Variants in PHACTR3 observed in about 807,000 individuals in gnomAD.
The protein encoded by PHACTR3 is protein phosphatase 1, regulatory subunit 123.
PHACTR3 carries 16 observed loss-of-function variants against 66.8 expected under a neutral mutation model. That is an observed-to-expected ratio of 0.24 (90% CI 0.16 to 0.36). PHACTR3 has a LOEUF of 0.36. PHACTR3 is among the 10% of genes least tolerant of loss of function. The pLI is 1.00. For missense variants in PHACTR3, 647 were observed against 719.9 expected, an observed-to-expected ratio of 0.90 and a Z score of 1.16; for synonymous variants, 323 against 292.1, an observed-to-expected ratio of 1.11 and a Z score of -1.08.
intron 1 of PHACTR3, among the ~76,000 whole-genome samples, chr20:59,581,580 C>T (rs1273903605): frequency 2.6e-5 from 4 of 152,196 alleles, no homozygotes; most frequent in African/African-American, 9.7e-5. Context: ...GAGTGATCCC[C>T]AATCTTTAGA....
chr20:59,712,659 A>G (rs2037949587), intron 1 of PHACTR3, among the ~76,000 whole-genome samples: 1 of 152,136 alleles, frequency 6.6e-6, no homozygotes, highest in Non-Finnish European at 1.5e-5. Context: ...TTCACTGAAA[A>G]CACATTTGTT....
At chr20:59,671,806 A>T (rs2036204372) in intron 1 of PHACTR3, among the ~76,000 whole-genome samples, 1 of 152,260 alleles carries the variant, frequency 6.6e-6, no homozygotes, top group Non-Finnish European at 1.5e-5. Context: ...TGCTCCAGGC[A>T]GGACCTGCCT....
intron 8 of PHACTR3, among the ~76,000 whole-genome samples, chr20:59,808,465 G>C (rs967642175): frequency 1.3e-5 from 2 of 152,242 alleles, no homozygotes; most frequent in Non-Finnish European, 2.9e-5. Context: ...TGCCCACCCT[G>C]TGAGGTGTGA....
At chr20:59,769,764 G>A (rs936911064) in intron 5 of PHACTR3, among the ~76,000 whole-genome samples, 1 of 152,236 alleles carries the variant, frequency 6.6e-6, no homozygotes, top group African/African-American at 2.4e-5. Flanking sequence ...ATGAGTGAAT[G>A]AATGCATGCG....
In PHACTR3 at chr20:59,622,968, C is replaced by T. The variant is rs923333066; in HGVS notation, c.118+17836C>T. ...GGCTTCTACAAGGATTCTAATTTTA[C>T]AGCAGCTTTAACCAAAAAAAAAAAA... On this transcript the variant is annotated intron_variant, in intron 1 of 12. Transcript: ENST00000371015. Among the ~76,000 whole-genome samples the T allele has an allele frequency of 2.2e-3, 31 of 14,268 alleles. 1 individual carries two copies. The highest frequency in any genetic ancestry group is 0.011 in the African/African-American group (31 of 2,894). The allele number at this position is 14,268 out of a possible 152,430, so 9.4% of individuals were successfully genotyped here. A position where few individuals can be genotyped will look rare whatever the true frequency, so the allele number is the denominator to read the frequency against.
At chr20:59,749,442 C>T (rs2039496015) in intron 3 of PHACTR3, among the ~76,000 whole-genome samples, 1 of 152,214 alleles carries the variant, frequency 6.6e-6, no homozygotes, top group Admixed American at 6.5e-5. Flanking sequence ...TGCAAGATGA[C>T]TTTGTCTGAT....
At chr20:59,622,898 C>T (rs979609551) in intron 1 of PHACTR3, among the ~76,000 whole-genome samples, 2 of 143,762 alleles carry the variant, frequency 1.4e-5, no homozygotes, top group East Asian at 4.0e-4. Context: ...GGAGCAAAAC[C>T]CCTGGGCTAA....
intron 4 of PHACTR3, among the ~76,000 whole-genome samples, chr20:59,763,528 G>A (rs200840663): frequency 6.6e-6 from 1 of 151,970 alleles, no homozygotes; most frequent in African/African-American, 2.4e-5. Context: ...AGAATTTTTT[G>A]TGGGGACCAA....
chr20:59,714,618 T>A (rs1375148841), intron 1 of PHACTR3, among the ~76,000 whole-genome samples: 2 of 152,242 alleles, frequency 1.3e-5, no homozygotes, highest in Non-Finnish European at 2.9e-5. Context: ...ATAGTGGAAA[T>A]CCTACCACTT....
At chr20:59,630,514 T>C (rs2146391179) in intron 1 of PHACTR3, among the ~76,000 whole-genome samples, 1 of 152,348 alleles carries the variant, frequency 6.6e-6, no homozygotes, top group Middle Eastern at 3.4e-3. Context: ...AATATTGCAT[T>C]TCCATTAAAG....
intron 1 of PHACTR3, among the ~76,000 whole-genome samples, chr20:59,678,170 T>C (rs752900077): frequency 2.6e-4 from 40 of 152,154 alleles, no homozygotes; most frequent in Non-Finnish European, 4.7e-4. Flanking sequence ...CCTGTATGTT[T>C]TGGGTATTAA....
chr20:59,815,232 C>T, intron 8 of PHACTR3, among the ~76,000 whole-genome samples: 1 of 152,158 alleles, frequency 6.6e-6, no homozygotes, highest in East Asian at 1.9e-4. Flanking sequence ...CATTTGTCTG[C>T]TCAGTCTCTG....
intron 1 of PHACTR3, among the ~76,000 whole-genome samples, chr20:59,634,521 G>C (rs2034779499): frequency 6.6e-6 from 1 of 152,194 alleles, no homozygotes; most frequent in Non-Finnish European, 1.5e-5. Flanking sequence ...CCTCACCCTG[G>C]CCTGCTGCTC....
At chr20:59,811,713 G>A (rs1211927769) in intron 8 of PHACTR3, among the ~76,000 whole-genome samples, 1 of 151,540 alleles carries the variant, frequency 6.6e-6, no homozygotes, top group Non-Finnish European at 1.5e-5. Context: ...TGGGGGGTTG[G>A]ACATCCTCAG....
At chr20:59,729,871 GA>G (rs2038702489) in intron 1 of PHACTR3, among the ~76,000 whole-genome samples, 1 of 152,198 alleles carries the variant, frequency 6.6e-6, no homozygotes, top group Admixed American at 6.5e-5. Context: ...GCTCTTGGGT[GA>G]AAATCCTCCT....
At position 59,773,306 on chromosome 20, in the gene PHACTR3, G is replaced by T; in HGVS notation, c.779G>T (p.Ser260Ile). ...TGQATLFQAS[S>I]MKSADPSLRG... ...CAAGCCACACTCTTCCAAGCCTCCA[G>T]CATGAAGAGTGCCGACCCTTCCCTC... The change falls in exon 6 of 13, where the codon AGC (serine) becomes ATC (isoleucine). Residue 260 changes from serine to isoleucine, a missense_variant. Transcript: ENST00000371015. 1 of 1,614,134 alleles carries T rather than the reference G, an allele frequency of 6.2e-7. No homozygotes were observed. Among genetic ancestry groups the T allele is most frequent in the Admixed American group, 1.7e-5 (1 of 60,012 alleles).
At chr20:59,773,023 A>T (rs2040407822) in intron 5 of PHACTR3, among the ~76,000 whole-genome samples, 1 of 152,136 alleles carries the variant, frequency 6.6e-6, no homozygotes, top group Admixed American at 6.5e-5. Flanking sequence ...CCCTGCAGGG[A>T]GGATGCTGGT....
chr20:59,688,022 C>T (rs2036963882), intron 1 of PHACTR3, among the ~76,000 whole-genome samples: 1 of 152,014 alleles, frequency 6.6e-6, no homozygotes, highest in African/African-American at 2.4e-5. Flanking sequence ...AGAGCAGCCT[C>T]AGGCACAGAA....
At chr20:59,810,587 T>C (rs2041706281) in intron 8 of PHACTR3, among the ~76,000 whole-genome samples, 1 of 152,222 alleles carries the variant, frequency 6.6e-6, no homozygotes, top group Non-Finnish European at 1.5e-5. Flanking sequence ...CAACGTGCCA[T>C]CTACTGTATC....
Sources: gnomAD v4.1 joint callset for allele counts (sites outside exome capture counted in the v4.1 genomes callset) on GRCh38, gnomAD v4.1.1 for gene constraint, MANE v1.5 for transcripts, NCBI Gene and HGNC (gene_info 2026-07-23, HGNC 2026-07-21) for gene names.